The following MCF2 variants were observed in gnomAD, a reference collection of about 807,000 sequenced individuals.
The protein encoded by MCF2 is proto-oncogene DBL.
Under a neutral mutation model 82.5 loss-of-function variants are expected in MCF2, and 44 were observed. The observed-to-expected ratio is 0.53, with a 90% CI of 0.42 to 0.69. MCF2 has a LOEUF of 0.69. MCF2 is among the 30% of genes least tolerant of loss of function. The pLI is 0.00. For missense variants in MCF2, 623 were observed against 663.1 expected (o/e 0.94, Z 0.66); for synonymous variants, 217 against 224.9 (o/e 0.96, Z 0.32).
intron 4 of MCF2, among the ~76,000 whole-genome samples, chrX:139,628,393 T>C (rs1472793294): frequency 8.9e-6 from 1 of 111,909 alleles, no homozygotes; most frequent in Non-Finnish European, 1.9e-5. Context: ...AAATACTGCA[T>C]GTTCTCACAA....
chrX:139,693,483 A>AACAC (rs67506907), intron 1 of MCF2, among the ~76,000 whole-genome samples: 21 of 98,434 alleles, frequency 2.1e-4, no homozygotes, highest in Admixed American at 7.9e-4. Context: ...GTAGGGGAGG[A>AACAC]ACACACACAC....
chrX:139,595,595 G>A (rs898390043), intron 19 of MCF2, among the ~76,000 whole-genome samples: 1,175 of 67,992 alleles, frequency 0.017, 30 homozygotes, highest in African/African-American at 0.063. Context: ...GGGGAGGGGG[G>A]AGGGATAGCT....
chrX:139,598,499 C>A lies in MCF2; in HGVS notation c.1837-1G>T, dbSNP rs866947207. 1 of 1,060,026 alleles carries A rather than the reference C, an allele frequency of 9.4e-7. No homozygotes were observed. The highest frequency in any genetic ancestry group is 1.3e-6 in the Non-Finnish European group (1 of 788,696). The allele number at this position is 1,060,026 out of a possible 1,213,427, so 87.4% of individuals were successfully genotyped here. On this transcript the variant is annotated splice_acceptor_variant, in intron 16 of 24. Coordinates refer to ENST00000370576, the Ensembl canonical transcript of MCF2. LOFTEE classifies it high-confidence loss of function. ...TGTGTTTTAACTTTCTTTGACATTC[C>A]TGTCATTAAAAGATAAATATCAATA...
intron 1 of MCF2, chrX:139,691,865 G>C (rs1935275504): frequency 2.8e-6 from 3 of 1,075,322 alleles, no homozygotes; most frequent in Admixed American, 2.6e-5. Context: ...TGAGAAGAAG[G>C]GCAAGCCAGC....
chrX:139,630,368 G>GA (rs199885293), intron 3 of MCF2, among the ~76,000 whole-genome samples: 1,543 of 111,499 alleles, frequency 0.014, 20 homozygotes, highest in African/African-American at 0.048. Flanking sequence ...AGGTACTATA[G>GA]AATATTTGGA....
intron 1 of MCF2, among the ~76,000 whole-genome samples, chrX:139,674,095 T>C (rs1393861978): frequency 8.9e-6 from 1 of 111,883 alleles, no homozygotes; most frequent in Non-Finnish European, 1.9e-5. Flanking sequence ...TCTTTTGATC[T>C]TTGTTGGTTT....
intron 11 of MCF2, among the ~76,000 whole-genome samples, chrX:139,609,627 T>A (rs182478962): frequency 2.9e-4 from 32 of 111,366 alleles, no homozygotes; most frequent in Non-Finnish European, 5.8e-4. Context: ...GATATCAGAT[T>A]ATCATGGATA....
rs112770812 is a variant in MCF2, at chrX:139,685,527, C to T, written c.-45+22579G>A. On this transcript the variant is annotated intron_variant, in intron 1 of 27. Transcript: ENST00000414978. ...TACCCCCTGCTTGCTCAATCGATCA[C>T]GACCCTCTCAAGTGGACCCCCTTAG... Among the ~76,000 whole-genome samples, 348 of 111,104 alleles carry T rather than the reference C, an allele frequency of 3.1e-3. 2 individuals carry two copies. The highest frequency in any genetic ancestry group is 0.011 in the African/African-American group (336 of 30,537).
intron 1 of MCF2, among the ~76,000 whole-genome samples, chrX:139,637,345 G>A (rs6654176): frequency 0.02 from 2,265 of 111,309 alleles, 44 homozygotes; most frequent in African/African-American, 0.068. Context: ...GACCAGGTGT[G>A]TTGTTTTCAT....
chrX:139,600,053 G>A (rs751139425), intron 16 of MCF2, among the ~76,000 whole-genome samples: 1 of 111,739 alleles, frequency 8.9e-6, no homozygotes, highest in African/African-American at 3.2e-5. Context: ...ATGAAAGAAA[G>A]AAGTCAAACA....
chrX:139,617,899 A>G (rs1251929754), intron 7 of MCF2, among the ~76,000 whole-genome samples, 195 bp from the exon 11 acceptor site: 1 of 110,461 alleles, frequency 9.1e-6, no homozygotes, highest in Admixed American at 9.6e-5. Flanking sequence ...ACAAAAACTT[A>G]CAGTTATAAT....
chrX:139,600,389 C>T (rs1930449389), intron 16 of MCF2, among the ~76,000 whole-genome samples: 2 of 111,625 alleles, frequency 1.8e-5, no homozygotes, highest in African/African-American at 6.5e-5. Context: ...CTTTGCACAG[C>T]TGGGTGCCTT....
intron 21 of MCF2, 54 bp from the exon 26 acceptor site, chrX:139,587,842 T>C (rs1929118034): frequency 1.4e-5 from 10 of 736,852 alleles, no homozygotes; most frequent in Non-Finnish European, 1.0e-5. Flanking sequence ...TCTTACTTCC[T>C]TGAAGGCCAA....
At chrX:139,614,855 G>A (rs750129061) in intron 10 of MCF2, 26 bp downstream of exon 13, 3 of 1,167,628 alleles carry the variant, frequency 2.6e-6, no homozygotes, top group East Asian at 6.0e-5. Flanking sequence ...AAGAAAAAAA[G>A]AGACAGAGAA....
At chrX:139,655,372 T>C (rs1336347584) in intron 1 of MCF2, among the ~76,000 whole-genome samples, 1 of 111,892 alleles carries the variant, frequency 8.9e-6, no homozygotes, top group Non-Finnish European at 1.9e-5. Context: ...GTATTTTATA[T>C]TTTTGTAGCT....
At chrX:139,639,235 A>T (rs1240152673) in intron 1 of MCF2, among the ~76,000 whole-genome samples, 2 of 112,153 alleles carry the variant, frequency 1.8e-5, no homozygotes, top group Non-Finnish European at 3.8e-5. Context: ...ATTTTTGAGA[A>T]CTTGTCAAAA....
chrX:139,605,254 T>C (rs866907324), intron 13 of MCF2, among the ~76,000 whole-genome samples: 18 of 108,925 alleles, frequency 1.7e-4, no homozygotes, highest in Admixed American at 2.0e-4. Context: ...GCCTTCAGAG[T>C]AGCTTGTAGT....
chrX:139,640,688 A>AT (rs1933510021), intron 1 of MCF2, among the ~76,000 whole-genome samples: 2 of 110,973 alleles, frequency 1.8e-5, no homozygotes, highest in South Asian at 3.8e-4. Context: ...AGGTGAAACC[A>AT]TTTTTTTACT....
intron 10 of MCF2, among the ~76,000 whole-genome samples, chrX:139,613,700 T>G (rs1346738507): frequency 9.0e-6 from 1 of 111,152 alleles, no homozygotes; most frequent in Non-Finnish European, 1.9e-5. Flanking sequence ...ATCAACCTAT[T>G]TCAGTTTTAT....
Sources: gnomAD v4.1 joint callset for allele counts (sites outside exome capture counted in the v4.1 genomes callset) on GRCh38, gnomAD v4.1.1 for gene constraint, MANE v1.5 for transcripts, NCBI Gene and HGNC (gene_info 2026-07-23, HGNC 2026-07-21) for gene names.